WDR64: variants seen among roughly 807,000 people sequenced by gnomAD.
WDR64 encodes the protein WD repeat-containing protein 64.
In WDR64, 112 loss-of-function variants were observed where a neutral mutation model predicts 139.3. That is an observed-to-expected ratio of 0.80 (90% confidence interval 0.69 to 0.94). The LOEUF (loss-of-function observed/expected upper bound fraction) is 0.94, where lower values mean the gene tolerates loss of function less well. Ranked by LOEUF, WDR64 falls within the 40% of genes least tolerant of loss-of-function variation. The probability of loss-of-function intolerance (pLI) is 0.00; values close to 1 mark genes in which losing one functional copy is unlikely to be tolerated. For synonymous variants in WDR64, 444 were observed against 437.7 expected (o/e 1.01, Z -0.18); for missense variants, 1,206 against 1,293.1 (o/e 0.93, Z 1.03).
chr1:241,759,319 C>T (rs982672076), intron 15 of WDR64, among the ~76,000 whole-genome samples: 2 of 152,148 alleles, frequency 1.3e-5, no homozygotes, highest in African/African-American at 4.8e-5. Context: ...GTACCACCAA[C>T]TCTATATACA....
chr1:241,687,400 GA>G (rs1667047298), intron 7 of WDR64, 60 bp from the exon 8 acceptor site: 1 of 1,573,318 alleles, frequency 6.4e-7, no homozygotes, highest in African/African-American at 1.4e-5. Flanking sequence ...TTGCTGAATA[GA>G]AACATATTAT....
chr1:241,765,459 T>G (rs1028504684), intron 15 of WDR64, among the ~76,000 whole-genome samples: 5 of 151,566 alleles, frequency 3.3e-5, no homozygotes, highest in African/African-American at 1.2e-4. Flanking sequence ...GGGTACCAAG[T>G]AGGAAACAGA....
At chr1:241,796,004 T>C (rs1053908441) in intron 26 of WDR64, among the ~76,000 whole-genome samples, 1 of 152,090 alleles carries the variant, frequency 6.6e-6, no homozygotes, top group Admixed American at 6.6e-5. Context: ...CCCTGGGATT[T>C]TGGGAGGCAG....
chr1:241,687,752 G>A (rs1667065020), intron 8 of WDR64, among the ~76,000 whole-genome samples, 157 bp downstream of exon 8: 1 of 152,178 alleles, frequency 6.6e-6, no homozygotes, highest in Non-Finnish European at 1.5e-5. Context: ...TTCTCAGGAA[G>A]AAATTGAAGC....
At chr1:241,718,979 G>A (rs999755368) in intron 9 of WDR64, among the ~76,000 whole-genome samples, 5 of 152,164 alleles carry the variant, frequency 3.3e-5, no homozygotes, top group African/African-American at 1.2e-4. Flanking sequence ...ACACCATCGT[G>A]TTGGGGCTAG....
chr1:241,667,693 G>C (rs1248571792), intron 2 of WDR64, among the ~76,000 whole-genome samples: 1 of 152,132 alleles, frequency 6.6e-6, no homozygotes, highest in African/African-American at 2.4e-5. Context: ...AGCCAGCTCA[G>C]AACAGGCCTT....
chr1:241,668,185 A>G (rs534035185), intron 2 of WDR64, among the ~76,000 whole-genome samples: 1 of 152,288 alleles, frequency 6.6e-6, no homozygotes, highest in South Asian at 2.1e-4. Flanking sequence ...GTAGAAAGAA[A>G]GATGTTGAAG....
rs2148292041 is a variant in WDR64 at position 241,766,261 on chromosome 1, T to C, written c.1991T>C (p.Leu664Pro). The C allele has an allele frequency of 6.2e-7, 1 of 1,614,154 alleles. No individual in the cohort carries two copies. The highest frequency in any genetic ancestry group is 8.5e-7 in the Non-Finnish European group (1 of 1,180,000). ...TTACGAGTGAACTGCATTGATTTAC[T>C]ACAAGTAGAAGGATATAATTTGATA... ...DLLRVNCIDL[L>P]QVEGYNLIAA... The change falls in exon 16 of 28, where the codon CTA (leucine) becomes CCA (proline). Residue 664 changes from leucine (L) to proline (P), a missense_variant. Coordinates refer to ENST00000437684, the MANE Select transcript of WDR64 (RefSeq NM_001367482.1).
chr1:241,774,187 A>G (rs1022344926), intron 20 of WDR64, among the ~76,000 whole-genome samples: 1 of 152,250 alleles, frequency 6.6e-6, no homozygotes, highest in African/African-American at 2.4e-5. Flanking sequence ...ACAGAAACTC[A>G]GAACACAAAA....
intron 10 of WDR64, among the ~76,000 whole-genome samples, chr1:241,736,016 C>T (rs191553453): frequency 7.7e-4 from 117 of 152,156 alleles, no homozygotes; most frequent in Middle Eastern, 3.4e-3. Context: ...AAGTGATGTG[C>T]CCTACCCTCA....
At chr1:241,747,879 A>G (rs993620502) in intron 13 of WDR64, among the ~76,000 whole-genome samples, 5 of 152,196 alleles carry the variant, frequency 3.3e-5, no homozygotes, top group African/African-American at 1.2e-4. Context: ...GCTGGCATTC[A>G]GGTGGGTGAG....
intron 27 of WDR64, among the ~76,000 whole-genome samples, chr1:241,799,271 C>G (rs2148336620): frequency 6.9e-6 from 1 of 145,646 alleles, no homozygotes; most frequent in East Asian, 2.0e-4. Flanking sequence ...GTCCCAGCTG[C>G]TTGGGAGAGG....
At chr1:241,690,276 G>A (rs957809283) in intron 8 of WDR64, among the ~76,000 whole-genome samples, 2 of 152,092 alleles carry the variant, frequency 1.3e-5, no homozygotes, top group Admixed American at 1.3e-4. Context: ...TTAGAGATCA[G>A]CCTGACCAAC....
chr1:241,751,004 A>G (rs1017340713), intron 14 of WDR64, among the ~76,000 whole-genome samples: 10 of 152,084 alleles, frequency 6.6e-5, no homozygotes, highest in African/African-American at 2.4e-4. Context: ...ACTATTATTT[A>G]CTTTATTATT....
chr1:241,697,333 T>G (rs1667533327), intron 8 of WDR64, among the ~76,000 whole-genome samples: 1 of 152,208 alleles, frequency 6.6e-6, no homozygotes, highest in Non-Finnish European at 1.5e-5. Flanking sequence ...GCCGTACCTA[T>G]TCTTCTTTTC....
At chr1:241,712,471 A>G (rs1427717381) in intron 9 of WDR64, among the ~76,000 whole-genome samples, 1 of 152,178 alleles carries the variant, frequency 6.6e-6, no homozygotes, top group African/African-American at 2.4e-5. Context: ...AGGGGACTGA[A>G]ATGATCTTTG....
chr1:241,700,168 CT>C (rs543704910), intron 8 of WDR64, among the ~76,000 whole-genome samples: 76 of 139,486 alleles, frequency 5.4e-4, no homozygotes, highest in Admixed American at 2.8e-3. Flanking sequence ...GAATCTGTTT[CT>C]TTTTTTTTTA....
In WDR64 at chr1:241,770,815, C is replaced by T. The variant is rs199626781; in HGVS notation, c.2253+125C>T. On this transcript the variant is annotated intron_variant, in intron 18 of 27. Coordinates refer to ENST00000437684, the MANE Select transcript of WDR64 (RefSeq NM_001367482.1). ...TAACAGTGGAAGAATTCTGTGTGTGCATGCTTATATGTAAAAACGCATTGT... is the reference window on the plus strand; with the variant it reads ...TAACAGTGGAAGAATTCTGTGTGTGTATGCTTATATGTAAAAACGCATTGT... The T allele has an allele frequency of 2.8e-3, 2,047 of 724,984 alleles. 4 individuals are homozygous for T. The highest frequency in any genetic ancestry group is 3.8e-3 in the Non-Finnish European group (1,844 of 487,068). The allele number at this position is 724,984 out of a possible 1,614,324, so 44.9% of individuals were successfully genotyped here.
chr1:241,709,563 A>C (rs556323054), intron 8 of WDR64, among the ~76,000 whole-genome samples: 1 of 152,154 alleles, frequency 6.6e-6, no homozygotes, highest in African/African-American at 2.4e-5. Context: ...GCAGTGAGCT[A>C]TGGTCATGCC....
Sources: allele counts gnomAD v4.1 joint callset (sites outside exome capture counted in the v4.1 genomes callset), GRCh38; gene constraint gnomAD v4.1.1; transcripts MANE v1.5; gene names NCBI Gene and HGNC (gene_info 2026-07-23, HGNC 2026-07-21).